CCNE1: variants seen among roughly 807,000 people sequenced by gnomAD.
CCNE1 encodes the protein G1/S-specific cyclin-E1.
CCNE1 carries 8 observed loss-of-function variants against 54.1 expected under a neutral mutation model. That is an observed-to-expected ratio of 0.15 (90% CI 0.09 to 0.27). The LOEUF (loss-of-function observed/expected upper bound fraction) is 0.27, where lower values mean the gene tolerates loss of function less well. CCNE1 is among the 10% of genes least tolerant of loss of function. CCNE1 has a pLI of 1.00. For missense variants in CCNE1, 430 were observed against 514.9 expected (o/e 0.84, Z 1.60); for synonymous variants, 179 against 185.2 (o/e 0.97, Z 0.27).
intron 7 of CCNE1, among the ~76,000 whole-genome samples, chr19:29,821,481 T>C (rs916722328): frequency 1.3e-5 from 2 of 152,086 alleles, no homozygotes; most frequent in Non-Finnish European, 2.9e-5. Context: ...AAAGGGGATA[T>C]TTCAAGAGTA....
At chr19:29,821,878 G>GA in intron 8 of CCNE1, 61 bp downstream of exon 8, 1 of 1,508,748 alleles carries the variant, frequency 6.6e-7, no homozygotes, top group Non-Finnish European at 9.2e-7. Context: ...TTTTCCACCT[G>GA]AAGTGTGAGT....
At chr19:29,817,963 T>G (rs1974065297) in intron 6 of CCNE1, among the ~76,000 whole-genome samples, 1 of 143,428 alleles carries the variant, frequency 7.0e-6, no homozygotes, top group African/African-American at 2.6e-5. Flanking sequence ...CGGGTTCAAG[T>G]GACTTTCCTG....
At chr19:29,812,297 G>T in intron 1 of CCNE1, 145 bp downstream of exon 1, 1 of 206,230 alleles carries the variant, frequency 4.8e-6, no homozygotes, top group East Asian at 1.0e-4. Flanking sequence ...GCGCGGCGGG[G>T]TGGGGTGGAG....
intron 6 of CCNE1, among the ~76,000 whole-genome samples, chr19:29,820,459 G>A (rs192635814): frequency 9.7e-4 from 148 of 152,128 alleles, no homozygotes; most frequent in Non-Finnish European, 1.7e-3. Flanking sequence ...GCTGAAGCAA[G>A]AGAATCGCTT....
At chr19:29,819,614 C>T (rs1974104413) in intron 6 of CCNE1, among the ~76,000 whole-genome samples, 1 of 152,184 alleles carries the variant, frequency 6.6e-6, no homozygotes, top group African/African-American at 2.4e-5. Context: ...TATTTTATTT[C>T]TCTTTAACAG....
In CCNE1 at chr19:29,817,119, T is replaced by C. The variant is rs749237881; in HGVS notation, c.181-18T>C. The C allele has an allele frequency of 2.7e-5, 44 of 1,612,904 alleles. No homozygotes were observed. Among genetic ancestry groups the C allele is most frequent in the Non-Finnish European group, 3.6e-5 (43 of 1,179,400 alleles). ...TTTGCATCTTATCTCACCTCTCCTG[T>C]GTATTTTTCATTTACAGCCTTGGGA... On this transcript the variant is annotated intron_variant, in intron 4 of 11. Transcript: ENST00000262643.
intron 6 of CCNE1, among the ~76,000 whole-genome samples, chr19:29,818,914 C>A (rs1027266737): frequency 6.6e-6 from 1 of 152,150 alleles, no homozygotes; most frequent in Non-Finnish European, 1.5e-5. Flanking sequence ...AGGCATACGC[C>A]ACCACGCCCG....
chr19:29,819,026 G>C, intron 6 of CCNE1, among the ~76,000 whole-genome samples: 1 of 151,896 alleles, frequency 6.6e-6, no homozygotes, highest in South Asian at 2.1e-4. Context: ...GCCTCCCAAA[G>C]TGCTGGGATT....
intron 6 of CCNE1, among the ~76,000 whole-genome samples, chr19:29,819,616 C>CT (rs1463437583): frequency 6.6e-6 from 1 of 152,314 alleles, no homozygotes; most frequent in Admixed American, 6.5e-5. Context: ...TTTTATTTCT[C>CT]TTTAACAGTT....
chr19:29,815,983 C>T (rs560674089), intron 4 of CCNE1, among the ~76,000 whole-genome samples: 2 of 151,710 alleles, frequency 1.3e-5, no homozygotes, highest in African/African-American at 4.8e-5. Context: ...GGCAAAACCC[C>T]ATCTCTACAA....
At chr19:29,813,183 T>A in intron 4 of CCNE1, 146 bp downstream of exon 4, 1 of 680,062 alleles carries the variant, frequency 1.5e-6, no homozygotes, top group Non-Finnish European at 2.5e-6. Flanking sequence ...CCCAGCACTG[T>A]ACCTGTCAGT....
Position 29,812,670 on chromosome 19 carries a change from G to A in CCNE1, c.24-19G>A, listed in dbSNP as rs776658670. ...CGGCCGCGGGTGCTCACCCGGCCCG[G>A]TGCCACCCGGGTCCACAGGGATGCG... On this transcript the variant is annotated intron_variant, in intron 2 of 11. Transcript: ENST00000262643. 2 of 1,575,268 alleles carry A rather than the reference G, an allele frequency of 1.3e-6. No individual in the cohort carries two copies. The highest frequency in any genetic ancestry group is 1.7e-6 in the Non-Finnish European group (2 of 1,162,162).
chr19:29,813,349 GTT>G, intron 4 of CCNE1: 1 of 191,356 alleles, frequency 5.2e-6, no homozygotes, highest in Non-Finnish European at 1.2e-5. Flanking sequence ...CTGAGACTCA[GTT>G]AGAGGAAGAA....
At chr19:29,821,888 T>C in intron 8 of CCNE1, 71 bp downstream of exon 8, 2 of 1,503,066 alleles carry the variant, frequency 1.3e-6, no homozygotes, top group Non-Finnish European at 1.9e-6. Context: ...GAAGTGTGAG[T>C]GCCTCTGGGA....
In CCNE1 at chr19:29,813,004, C is replaced by G. The variant is rs1426540908; in HGVS notation, c.147C>G (p.Ile49Met). 6.2e-7 allele frequency: 1 copy of G among 1,614,108 alleles called. No homozygotes were observed. The highest frequency in any genetic ancestry group is 2.2e-5 in the East Asian group (1 of 44,872). ...LQDPDEEMAKIDRTARDQCGS... is the reference protein window; with the variant it reads ...LQDPDEEMAKMDRTARDQCGS... ...ATCCAGATGAAGAAATGGCCAAAAT[C>G]GACAGGACGGCGAGGGACCAGTGTG... Residue 49 changes from isoleucine (I) to methionine (M), a missense_variant, in exon 4 of 12, where the codon ATC (isoleucine) becomes ATG (methionine). By Grantham distance (10) the Ile-to-Met change is conservative. Around this residue, in one of 2 missense-constraint regions of CCNE1, gnomAD observed 127 missense variants for 113.8 expected, o/e 1.12. Transcript: ENST00000262643.
chr19:29,817,111 C>G (rs1974034460), intron 4 of CCNE1, 26 bp from the exon 5 acceptor site: 1 of 1,609,494 alleles, frequency 6.2e-7, no homozygotes, highest in Non-Finnish European at 8.5e-7. Context: ...CTTATCTCAC[C>G]TCTCCTGTGT....
At chr19:29,822,664 C>A in intron 11 of CCNE1, 61 bp downstream of exon 11, 1 of 1,533,112 alleles carries the variant, frequency 6.5e-7, no homozygotes, top group Non-Finnish European at 8.9e-7. Context: ...CCTAAATAGG[C>A]CAGCCGCGGT....
chr19:29,817,031 C>A, intron 4 of CCNE1, 106 bp from the exon 5 acceptor site: 1 of 1,159,176 alleles, frequency 8.6e-7, no homozygotes, highest in Non-Finnish European at 1.2e-6. Context: ...TTTCAGAAGT[C>A]ATGCCTAGTA....
At chr19:29,819,378 G>A (rs1482147307) in intron 6 of CCNE1, among the ~76,000 whole-genome samples, 1 of 150,840 alleles carries the variant, frequency 6.6e-6, no homozygotes, top group Non-Finnish European at 1.5e-5. Flanking sequence ...CAATTCCTGG[G>A]CTCAAGCAGT....
Sources: gnomAD v4.1 joint callset for allele counts (sites outside exome capture counted in the v4.1 genomes callset) on GRCh38, gnomAD v4.1.1 for gene constraint, gnomAD v4.1.1 regional missense constraint, MANE v1.5 for transcripts, NCBI Gene and HGNC (gene_info 2026-07-23, HGNC 2026-07-21) for gene names.